AFF2: variants seen among roughly 807,000 people sequenced by gnomAD.
AFF2 encodes ALF transcription elongation factor 2.
AFF2 carries 14 observed loss-of-function variants against 76.9 expected under a neutral mutation model. That is an observed-to-expected ratio of 0.18 (90% confidence interval 0.12 to 0.28). The LOEUF (loss-of-function observed/expected upper bound fraction) is 0.28, where lower values mean the gene tolerates loss of function less well. AFF2 is among the 10% of genes least tolerant of loss of function. AFF2 has a pLI of 1.00. For synonymous variants in AFF2, 398 were observed against 366.7 expected (o/e 1.09, Z -0.98); for missense variants, 868 against 1,001.1 (o/e 0.87, Z 1.79).
rs932402443 is a variant in AFF2, at chrX:148,993,638, C to T, written c.*2306C>T. 6 of 111,959 alleles carry T rather than the reference C, an allele frequency of 5.4e-5. No individual in the cohort carries two copies. The highest frequency in any genetic ancestry group is 1.9e-4 in the African/African-American group (6 of 30,771). The allele number at this position is 111,959 out of a possible 1,213,427, so 9.2% of individuals were successfully genotyped here. A position where few individuals can be genotyped will look rare whatever the true frequency, so the allele number is the denominator to read the frequency against. On this transcript the variant is annotated 3_prime_UTR_variant, in exon 21 of 21. Coordinates refer to ENST00000370460, the MANE Select transcript of AFF2 (RefSeq NM_002025.4). ...CCTCATGGATGAAAGACTTGTAGTT[C>T]TAGTTTCAGTGACTTGTTATATCTA...
At chrX:148,521,749 A>G (rs1287542613) in intron 1 of AFF2, among the ~76,000 whole-genome samples, 1 of 111,963 alleles carries the variant, frequency 8.9e-6, no homozygotes, top group East Asian at 2.8e-4. Context: ...AGATCTGATC[A>G]TAAACTCTTA....
chrX:148,665,187 CTT>C (rs1281656188), intron 3 of AFF2, among the ~76,000 whole-genome samples: 6 of 111,930 alleles, frequency 5.4e-5, no homozygotes, highest in African/African-American at 2.0e-4. Context: ...AATTCTCTCT[CTT>C]ATACATTCAC....
At chrX:148,584,185 G>A (rs201424002) in intron 1 of AFF2, among the ~76,000 whole-genome samples, 5 of 110,670 alleles carry the variant, frequency 4.5e-5, no homozygotes, top group East Asian at 5.7e-4. Flanking sequence ...AAAGGTATCC[G>A]GGATCTTACT....
chrX:148,604,956 A>G (rs538559026), intron 1 of AFF2, among the ~76,000 whole-genome samples: 5 of 112,143 alleles, frequency 4.5e-5, no homozygotes, highest in African/African-American at 1.6e-4. Context: ...ATATGACAAG[A>G]GGGAACTATC....
intron 3 of AFF2, among the ~76,000 whole-genome samples, chrX:148,689,909 A>G (rs1041338269): frequency 4.5e-5 from 5 of 112,348 alleles, no homozygotes; most frequent in Non-Finnish European, 7.5e-5. Flanking sequence ...GAAACATGTG[A>G]ATCATCTATA....
chrX:148,700,422 G>GTC (rs1557261709), intron 3 of AFF2, among the ~76,000 whole-genome samples: 16 of 55,748 alleles, frequency 2.9e-4, no homozygotes, highest in Non-Finnish European at 5.4e-4. Flanking sequence ...CTGTTGAAGT[G>GTC]TGTGTGTGTG....
intron 3 of AFF2, among the ~76,000 whole-genome samples, chrX:148,792,659 T>C (rs2069913492): frequency 1.8e-5 from 2 of 112,016 alleles, no homozygotes; most frequent in Non-Finnish European, 3.8e-5. Context: ...CCTGGAGGCA[T>C]TTGTGAAAAA....
At chrX:148,775,940 A>G (rs2075230920) in intron 3 of AFF2, among the ~76,000 whole-genome samples, 1 of 109,987 alleles carries the variant, frequency 9.1e-6, no homozygotes, top group Non-Finnish European at 1.9e-5. Context: ...TACATGTGCC[A>G]TGGTGGTTTG....
At chrX:148,980,821 G>A (rs782701840) in intron 19 of AFF2, 31 bp downstream of exon 19, 17 of 1,082,657 alleles carry the variant, frequency 1.6e-5, no homozygotes, top group Non-Finnish European at 2.2e-5. Flanking sequence ...GCTTTTTCGT[G>A]AAGATGAGTG....
At chrX:148,944,667 T>C (rs1370398788) in intron 9 of AFF2, among the ~76,000 whole-genome samples, 1 of 111,272 alleles carries the variant, frequency 9.0e-6, no homozygotes, top group African/African-American at 3.3e-5. Context: ...CAGCTTATTC[T>C]TCCATATGCA....
intron 1 of AFF2, among the ~76,000 whole-genome samples, chrX:148,596,110 A>C (rs2053568921): frequency 9.0e-6 from 1 of 111,700 alleles, no homozygotes; most frequent in African/African-American, 3.3e-5. Flanking sequence ...CAAATACAAC[A>C]ATGAAAACTG....
At chrX:148,716,015 G>C (rs201421909) in intron 3 of AFF2, among the ~76,000 whole-genome samples, 15 of 110,770 alleles carry the variant, frequency 1.4e-4, no homozygotes, top group South Asian at 3.8e-4. Flanking sequence ...CTCTCTCTCT[G>C]TGTGTGTGTG....
intron 5 of AFF2, among the ~76,000 whole-genome samples, chrX:148,841,145 T>A (rs2070595323): frequency 8.9e-6 from 1 of 111,922 alleles, no homozygotes; most frequent in Non-Finnish European, 1.9e-5. Context: ...ACGGCCTGCA[T>A]GTTTTACTCT....
At chrX:148,978,331 C>T (rs183475331) in intron 17 of AFF2, 31 bp from the exon 18 acceptor site, 2 of 1,016,678 alleles carry the variant, frequency 2.0e-6, no homozygotes, top group South Asian at 3.9e-5. Flanking sequence ...TAAGCACTGG[C>T]ATTAACAGAA....
At chrX:148,698,236 T>C (rs1557261495) in intron 3 of AFF2, among the ~76,000 whole-genome samples, 2 of 112,684 alleles carry the variant, frequency 1.8e-5, no homozygotes, top group African/African-American at 6.4e-5. Flanking sequence ...AACTTTTGTT[T>C]ATTGACTAGA....
chrX:148,764,841 C>T (rs191865430), intron 3 of AFF2, among the ~76,000 whole-genome samples: 95 of 111,848 alleles, frequency 8.5e-4, no homozygotes, highest in African/African-American at 2.8e-3. Flanking sequence ...AGGGAAAATG[C>T]GCATCCCATT....
chrX:148,989,635 A>G (rs1157678414), intron 20 of AFF2, among the ~76,000 whole-genome samples: 1 of 112,539 alleles, frequency 8.9e-6, no homozygotes, highest in African/African-American at 3.2e-5. Flanking sequence ...CCTTGTCTAC[A>G]TAGAAAAGAG....
chrX:148,986,820 G>A (rs1225962085), intron 19 of AFF2, among the ~76,000 whole-genome samples: 2 of 112,986 alleles, frequency 1.8e-5, no homozygotes, highest in Non-Finnish European at 3.7e-5. Flanking sequence ...TCATAGCTCT[G>A]AGCTGTTTCT....
intron 3 of AFF2, among the ~76,000 whole-genome samples, chrX:148,702,678 G>A (rs1393069335): frequency 9.9e-5 from 11 of 111,479 alleles, no homozygotes; most frequent in East Asian, 2.8e-4. Context: ...ACACTTAAGC[G>A]AAATCTAACC....
Sources: gnomAD v4.1 joint callset for allele counts (sites outside exome capture counted in the v4.1 genomes callset) on GRCh38, gnomAD v4.1.1 for gene constraint, MANE v1.5 for transcripts, NCBI Gene and HGNC (gene_info 2026-07-23, HGNC 2026-07-21) for gene names.